TCF25: variants seen among roughly 807,000 people sequenced by gnomAD.
The protein encoded by TCF25 is ribosome quality control complex subunit TCF25.
A neutral mutation model predicts 83.1 loss-of-function variants in TCF25; 41 were observed. The ratio of observed to expected loss-of-function variants is 0.49; its 90% CI spans 0.38 to 0.64. The LOEUF (loss-of-function observed/expected upper bound fraction) is 0.64, where lower values mean the gene tolerates loss of function less well. Among genes scored for constraint, TCF25 ranks in the 30% least tolerant of loss-of-function variants. The pLI is 0.00. For missense variants in TCF25, 979 were observed against 914.5 expected (o/e 1.07, Z -0.91); for synonymous variants, 458 against 365.0 (o/e 1.25, Z -2.90).
At chr16:89,900,215 GCTCGGAAACTCGCGTGGCGGGCTGCT>G (rs1258225138) in intron 11 of TCF25, among the ~76,000 whole-genome samples, 18 of 151,954 alleles carry the variant, frequency 1.2e-4, no homozygotes, top group East Asian at 3.9e-4. Context: ...GTGGTAGACT[GCTCGGAAACTCGCGTGGCGGGCTGCT>G]CTCGGAAACT....
chr16:89,900,683 C>T lies in TCF25; in HGVS notation c.1270C>T (p.Leu424=), dbSNP rs751427051. 7 of 1,604,260 alleles carry T rather than the reference C, an allele frequency of 4.4e-6. No homozygotes were observed. In the East Asian group the frequency reaches 1.6e-4, roughly 36 times the overall value. ...CCCTAATTTTGCCTTCTCTGTTCCA[C>T]TGGCGTATTTCCTGCTGAGCCAGCA... ...QLPNFAFSVP[L]AYFLLSQQTD... is the part of the protein sequence containing the mutation. The change falls in exon 12 of 18, where the codon CTG becomes TTG. Residue 424 remains leucine, a synonymous_variant. Coordinates refer to ENST00000263346, the MANE Select transcript of TCF25 (RefSeq NM_014972.3).
chr16:89,894,633 C>T (rs868132828), intron 7 of TCF25, among the ~76,000 whole-genome samples: 2 of 152,132 alleles, frequency 1.3e-5, no homozygotes, highest in South Asian at 2.1e-4. Context: ...GTTGGGGGGA[C>T]GTTGTGAGTG....
chr16:89,909,760 C>T (rs1189483154), intron 16 of TCF25: 1 of 152,358 alleles, frequency 6.6e-6, no homozygotes, highest in Non-Finnish European at 1.5e-5. Context: ...TGAATGTGCC[C>T]TCACCAGGCT....
intron 5 of TCF25, chr16:89,890,375 T>G (rs1023164750): frequency 6.6e-5 from 10 of 152,192 alleles, no homozygotes; most frequent in African/African-American, 1.9e-4. Flanking sequence ...TTCAGTAGAG[T>G]TACGTGGCTC....
intron 16 of TCF25, among the ~76,000 whole-genome samples, chr16:89,908,644 C>CTTCCTCG: frequency 1.0e-5 from 1 of 98,058 alleles, no homozygotes; most frequent in Non-Finnish European, 2.1e-5. Context: ...CTCCCACCTC[C>CTTCCTCG]CAGCTCCCAC....
intron 6 of TCF25, among the ~76,000 whole-genome samples, chr16:89,892,603 G>A (rs956489006): frequency 5.3e-5 from 8 of 152,324 alleles, no homozygotes; most frequent in African/African-American, 1.2e-4. Context: ...TTTAACGCAG[G>A]TTCTTCCTAC....
intron 5 of TCF25, among the ~76,000 whole-genome samples, chr16:89,888,321 C>G (rs1407767070): frequency 6.6e-6 from 1 of 151,976 alleles, no homozygotes; most frequent in Non-Finnish European, 1.5e-5. Flanking sequence ...GTCGTGGTGG[C>G]TCACGCCTGT....
chr16:89,883,328 T>C, intron 1 of TCF25, 23 bp from the exon 2 acceptor site: 11 of 1,611,074 alleles, frequency 6.8e-6, no homozygotes, highest in Non-Finnish European at 9.3e-6. Context: ...ACGCCCTGGC[T>C]CTTCTCCAAC....
intron 7 of TCF25, 56 bp from the exon 8 acceptor site, chr16:89,894,981 TG>T: frequency 6.6e-7 from 1 of 1,515,438 alleles, no homozygotes; most frequent in Non-Finnish European, 9.1e-7. Flanking sequence ...AAGGCATGCC[TG>T]GGAGCTGGGG....
At chr16:89,879,296 C>T (rs62056104) in intron 1 of TCF25, among the ~76,000 whole-genome samples, 24,191 of 92,056 alleles carry the variant, frequency 0.26, 4,466 homozygotes, top group African/African-American at 0.54. Flanking sequence ...TGTACACAGA[C>T]GGGCTTCAGA....
chr16:89,881,763 TTG>T (rs1453651880), intron 1 of TCF25, among the ~76,000 whole-genome samples: 1 of 152,028 alleles, frequency 6.6e-6, no homozygotes, highest in Non-Finnish European at 1.5e-5. Context: ...TCTTTTTTTT[TTG>T]TTTTCTTGAA....
At chr16:89,883,307 C>T (rs375882033) in intron 1 of TCF25, 44 bp from the exon 2 acceptor site, 25 of 1,603,630 alleles carry the variant, frequency 1.6e-5, no homozygotes, top group Non-Finnish European at 2.0e-5. Flanking sequence ...TGAGCGTTCA[C>T]ACTGTAAGTA....
intron 1 of TCF25, among the ~76,000 whole-genome samples, chr16:89,875,080 A>T (rs571920305): frequency 6.6e-6 from 1 of 152,092 alleles, no homozygotes. Flanking sequence ...GCTCACTGCA[A>T]CCTTGAACTC....
chr16:89,908,430 G>T (rs1376758472), intron 16 of TCF25, among the ~76,000 whole-genome samples: 2 of 103,410 alleles, frequency 1.9e-5, no homozygotes, highest in Admixed American at 1.0e-4. Context: ...CCACCTTCCA[G>T]TTCCCACCTC....
Position 89,911,265 on chromosome 16 carries a change from G to T in TCF25, c.*27G>T, listed in dbSNP as rs765548716. On this transcript the variant is annotated 3_prime_UTR_variant, in exon 18 of 18. Coordinates refer to ENST00000263346, the MANE Select transcript of TCF25 (RefSeq NM_014972.3). ...CGTCCGCAGAGGTGACCGAAAAGCC[G>T]TATGATGATGTTCCCGATTTCTCTG... The T allele has an allele frequency of 2.5e-6, 4 of 1,605,908 alleles. No individual in the cohort carries two copies. The highest frequency in any genetic ancestry group is 3.4e-6 in the Non-Finnish European group (4 of 1,174,756).
rs115697438 is a variant in TCF25 at position 89,874,326 on chromosome 16, C to T, written c.192+467C>T. Among the ~76,000 whole-genome samples, 742 of 99,524 alleles carry T rather than the reference C, an allele frequency of 7.5e-3. 2 individuals carry two copies. Among genetic ancestry groups the T allele is most frequent in the African/African-American group, 0.029 (701 of 24,532 alleles). 65.3% of individuals were successfully genotyped at this position (99,524 alleles called of 152,430 possible). ...GGCGTGGCTAAAGACGGGGGGGTGGCGAGGCGATGGCGTGGGCGGGGTTAA... is the reference window on the plus strand; with the variant it reads ...GGCGTGGCTAAAGACGGGGGGGTGGTGAGGCGATGGCGTGGGCGGGGTTAA... On this transcript the variant is annotated intron_variant, in intron 1 of 17. Coordinates refer to ENST00000263346, the MANE Select transcript of TCF25 (RefSeq NM_014972.3).
At chr16:89,883,226 C>G (rs2042739174) in intron 1 of TCF25, 125 bp from the exon 2 acceptor site, 4 of 1,301,380 alleles carry the variant, frequency 3.1e-6, no homozygotes, top group South Asian at 2.9e-5. Flanking sequence ...TCTTTCCCGT[C>G]CAGCGTCTCG....
At chr16:89,897,140 A>T (rs1305714035) in intron 9 of TCF25, among the ~76,000 whole-genome samples, 1 of 152,212 alleles carries the variant, frequency 6.6e-6, no homozygotes, top group African/African-American at 2.4e-5. Context: ...CATCCCTGGC[A>T]AGTTTAGAAG....
intron 11 of TCF25, among the ~76,000 whole-genome samples, chr16:89,899,177 C>T (rs2044123250): frequency 6.6e-6 from 1 of 152,054 alleles, no homozygotes; most frequent in African/African-American, 2.4e-5. Flanking sequence ...TGATGAAAAA[C>T]CGACAACTCC....
Sources: gnomAD v4.1 joint callset for allele counts (sites outside exome capture counted in the v4.1 genomes callset) on GRCh38, gnomAD v4.1.1 for gene constraint, MANE v1.5 for transcripts, NCBI Gene and HGNC (gene_info 2026-07-23, HGNC 2026-07-21) for gene names.